AGBL1: variants seen among roughly 807,000 people sequenced by gnomAD.
AGBL1 encodes AGBL carboxypeptidase 1.
AGBL1 carries 130 observed loss-of-function variants against 118.9 expected under a neutral mutation model. The observed-to-expected ratio is 1.09, with a 90% confidence interval of 0.95 to 1.26. The LOEUF (loss-of-function observed/expected upper bound fraction) is 1.26. AGBL1 is among the 50% of genes most tolerant of loss of function. The pLI is 0.00. For synonymous variants in AGBL1, 555 were observed against 478.9 expected, an observed-to-expected ratio of 1.16 and a Z score of -2.08; for missense variants, 1,584 against 1,298.1, an observed-to-expected ratio of 1.22 and a Z score of -3.38.
intron 21 of AGBL1, among the ~76,000 whole-genome samples, chr15:86,662,410 G>C (rs142915250): frequency 1.9e-3 from 286 of 152,330 alleles, no homozygotes; most frequent in African/African-American, 6.5e-3. Flanking sequence ...CATTGAACTT[G>C]AAGAGCTTAT....
intron 17 of AGBL1, among the ~76,000 whole-genome samples, chr15:86,332,394 C>T (rs2080284915): frequency 6.6e-6 from 1 of 152,106 alleles, no homozygotes; most frequent in African/African-American, 2.4e-5. Flanking sequence ...CGCCTGTAAT[C>T]CCAGCACTTT....
intron 18 of AGBL1, among the ~76,000 whole-genome samples, chr15:86,494,945 G>GT (rs67567444): frequency 0.43 from 63,387 of 148,554 alleles, 14,590 homozygotes; most frequent in East Asian, 0.68. Flanking sequence ...TTGCTTCAGG[G>GT]TTTTTTTTTT....
chr15:86,359,319 A>T (rs1482003485), intron 17 of AGBL1, among the ~76,000 whole-genome samples: 1 of 150,070 alleles, frequency 6.7e-6, no homozygotes, highest in African/African-American at 2.4e-5. Context: ...TTTGAAATTC[A>T]GTTGACTGTA....
intron 22 of AGBL1, among the ~76,000 whole-genome samples, chr15:86,779,470 G>T (rs2078301235): frequency 1.3e-5 from 2 of 152,182 alleles, no homozygotes; most frequent in South Asian, 4.1e-4. Context: ...TGGGCATTTG[G>T]ATAGTTTCTA....
At chr15:86,903,197 C>A (rs1190343001) in intron 22 of AGBL1, among the ~76,000 whole-genome samples, 1 of 151,876 alleles carries the variant, frequency 6.6e-6, no homozygotes, top group Non-Finnish European at 1.5e-5. Flanking sequence ...AGTCCCTCTA[C>A]TGAGTTTCCT....
intron 22 of AGBL1, among the ~76,000 whole-genome samples, chr15:86,764,464 G>C (rs1326453856): frequency 1.3e-5 from 2 of 152,030 alleles, no homozygotes; most frequent in Non-Finnish European, 2.9e-5. Flanking sequence ...GTGGATGGAA[G>C]TGTGTTTATG....
At chr15:86,255,932 C>T (rs537000224) in intron 7 of AGBL1, among the ~76,000 whole-genome samples, 63 of 152,292 alleles carry the variant, frequency 4.1e-4, no homozygotes, top group Non-Finnish European at 7.4e-4. Flanking sequence ...AGCAGCACCA[C>T]GGACATTCAC....
chr15:86,285,143 C>T (rs1479665391), intron 16 of AGBL1, among the ~76,000 whole-genome samples: 1 of 151,990 alleles, frequency 6.6e-6, no homozygotes, highest in Admixed American at 6.6e-5. Flanking sequence ...ACCATTTTTG[C>T]AAAAGGAAAT....
intron 18 of AGBL1, among the ~76,000 whole-genome samples, chr15:86,400,809 G>GATAT (rs138525923): frequency 0.014 from 2,156 of 150,560 alleles, 45 homozygotes; most frequent in African/African-American, 0.05. Context: ...ATGCCATGCT[G>GATAT]ATATATATAT....
At chr15:86,768,756 T>G (rs192224323) in intron 22 of AGBL1, among the ~76,000 whole-genome samples, 1 of 152,114 alleles carries the variant, frequency 6.6e-6, no homozygotes, top group East Asian at 1.9e-4. Flanking sequence ...TAGTCGTTTA[T>G]TGTTTACTAA....
chr15:86,941,450 G>A (rs1057297710), intron 23 of AGBL1, among the ~76,000 whole-genome samples: 13 of 152,122 alleles, frequency 8.5e-5, no homozygotes, highest in African/African-American at 2.2e-4. Flanking sequence ...TAAACATGAC[G>A]AACAGTCACA....
At chr15:86,303,189 A>G (rs546054188) in intron 17 of AGBL1, among the ~76,000 whole-genome samples, 1 of 152,282 alleles carries the variant, frequency 6.6e-6, no homozygotes, top group South Asian at 2.1e-4. Context: ...TTCCCCACAT[A>G]TAAGTTGTGG....
At chr15:87,025,082 G>A (rs988318360) in intron 24 of AGBL1, among the ~76,000 whole-genome samples, 1 of 151,826 alleles carries the variant, frequency 6.6e-6, no homozygotes, top group Non-Finnish European at 1.5e-5. Flanking sequence ...GTCAATGATG[G>A]CCACTCTCAC....
intron 21 of AGBL1, among the ~76,000 whole-genome samples, chr15:86,593,793 T>C (rs1352159665): frequency 6.6e-6 from 1 of 152,216 alleles, no homozygotes; most frequent in Non-Finnish European, 1.5e-5. Context: ...GAACGACTAA[T>C]CTTTTGTTAC....
At position 86,652,145 on chromosome 15, in the gene AGBL1, C is replaced by A. The variant is rs545992879; in HGVS notation, c.2995-22128C>A. 2.0e-5 allele frequency among the ~76,000 whole-genome samples: 3 copies of A among 152,112 alleles called. No individual in the cohort carries two copies. In the South Asian group the frequency reaches 6.2e-4, roughly 31 times the overall value. On this transcript the variant is annotated intron_variant, in intron 21 of 22. Transcript: ENST00000614907. ...TAAGTCTGACACCTGTGCTTCTACT[C>A]CCAGTGCACTCTCAATTTAAATGTC...
In AGBL1 at chr15:86,670,835, C is replaced by CT. The variant is rs113057598; in HGVS notation, c.2995-3432dup. On this transcript the variant is annotated intron_variant, in intron 21 of 22. Coordinates refer to ENST00000614907, the MANE Select transcript of AGBL1 (RefSeq NM_001386094.1). ...ATCAGTACTTATGCTATTTAGACAT[C>CT]TTTTTTGGACCTGATGTTTGTCTTA... 5.7e-3 allele frequency among the ~76,000 whole-genome samples: 865 copies of CT among 151,866 alleles called. 8 individuals carry two copies. Among genetic ancestry groups the CT allele is most frequent in the African/African-American group, 0.02 (815 of 41,422 alleles).
chr15:86,666,937 A>G (rs2085654863), intron 21 of AGBL1, among the ~76,000 whole-genome samples: 1 of 152,178 alleles, frequency 6.6e-6, no homozygotes, highest in African/African-American at 2.4e-5. Context: ...ACACCATGCC[A>G]GGCTATCTTC....
At chr15:86,199,412 C>G (rs1397784930) in intron 5 of AGBL1, among the ~76,000 whole-genome samples, 1 of 152,190 alleles carries the variant, frequency 6.6e-6, no homozygotes, top group Non-Finnish European at 1.5e-5. Context: ...ATGTAACTTC[C>G]TGAGGCTCTC....
chr15:86,222,626 C>G (rs955136163), intron 5 of AGBL1, among the ~76,000 whole-genome samples: 3 of 152,154 alleles, frequency 2.0e-5, no homozygotes, highest in Admixed American at 2.0e-4. Context: ...CATCATTGCC[C>G]TAAATGTGCC....
Sources: allele counts gnomAD v4.1 joint callset (sites outside exome capture counted in the v4.1 genomes callset), GRCh38; gene constraint gnomAD v4.1.1; transcripts MANE v1.5; gene names NCBI Gene and HGNC (gene_info 2026-07-23, HGNC 2026-07-21).